Variants in TCF4 observed in about 807,000 individuals in gnomAD.
TCF4 encodes the protein SL3-3 enhancer factor 2.
A neutral mutation model predicts 82.1 loss-of-function variants in TCF4; 3 were observed. The observed-to-expected ratio is 0.04, with a 90% CI of 0.02 to 0.09. TCF4 has a LOEUF of 0.09. TCF4 is among the 10% of genes least tolerant of loss of function. The pLI, the probability that TCF4 is intolerant of heterozygous loss-of-function variation, is 1.00. For synonymous variants in TCF4, 276 were observed against 309.6 expected (o/e 0.89, Z 1.14); for missense variants, 518 against 852.7 (o/e 0.61, Z 4.89).
rs765447444 is a variant in TCF4, at chr18:55,362,339, GAGGAAGGA to G, written c.370-11344_370-11337del. 4.5e-3 allele frequency among the ~76,000 whole-genome samples: 310 copies of G among 68,560 alleles called. 4 individuals are homozygous for G. The highest frequency in any genetic ancestry group is 0.019 in the East Asian group (38 of 1,986). 45.0% of individuals were successfully genotyped at this position (68,560 alleles called of 152,430 possible). A position where few individuals can be genotyped will look rare whatever the true frequency, so the allele number is the denominator to read the frequency against. The stretch of plus-strand genomic sequence containing the variant: ...TCCAAAAACAAAAACAAAAAAAAAA[GAGGAAGGA>G]AGGAAGGAAGGAAGGAAGGAAGGAA... On this transcript the variant is annotated intron_variant, in intron 6 of 19. Transcript: ENST00000354452.
chr18:55,357,086 T>C (rs1449917323), intron 6 of TCF4, among the ~76,000 whole-genome samples: 2 of 152,050 alleles, frequency 1.3e-5, no homozygotes, highest in East Asian at 3.9e-4. Flanking sequence ...TGCCCAAGGG[T>C]TGGCCAGGTT....
chr18:55,256,024 G>A lies in TCF4; in HGVS notation c.1146+1291C>T, dbSNP rs1201392656. On this transcript the variant is annotated intron_variant, in intron 14 of 19. Transcript: ENST00000354452. The stretch of plus-strand genomic sequence containing the variant: ...TCCCCTAGACTGCTAGCTTTGCTAC[G>A]TATTTGGCCTTGGAAAAGTTACTAA... Among the ~76,000 whole-genome samples the A allele has an allele frequency of 2.6e-5, 4 of 152,280 alleles. No homozygotes were observed. In the South Asian group the frequency reaches 8.3e-4, roughly 32 times the overall value.
intron 6 of TCF4, among the ~76,000 whole-genome samples, chr18:55,359,642 C>T (rs2145131301): frequency 6.6e-6 from 1 of 152,308 alleles, no homozygotes; most frequent in Middle Eastern, 3.4e-3. Flanking sequence ...CGTAATTCCT[C>T]CATCTCTATA....
intron 5 of TCF4, chr18:55,403,943 A>G: frequency 2.2e-6 from 3 of 1,356,604 alleles, no homozygotes; most frequent in Non-Finnish European, 2.8e-6. Context: ...CTAATCAATC[A>G]CAGGCTCTCC....
intron 3 of TCF4, among the ~76,000 whole-genome samples, chr18:55,536,046 G>A (rs915429910): frequency 2.8e-4 from 43 of 152,118 alleles, no homozygotes; most frequent in Non-Finnish European, 3.8e-4. Flanking sequence ...ACTCTTCAGC[G>A]GACTAGCCTG....
chr18:55,596,078 CA>C, intron 2 of TCF4: 1 of 435,230 alleles, frequency 2.3e-6, no homozygotes, highest in South Asian at 1.6e-5. Context: ...ACTAAAAATA[CA>C]AAAATTAGCC....
At chr18:55,480,303 G>C (rs1239389511) in intron 3 of TCF4, among the ~76,000 whole-genome samples, 1 of 134,248 alleles carries the variant, frequency 7.4e-6, no homozygotes, top group Non-Finnish European at 1.6e-5. Context: ...AAAAGCGGGG[G>C]GGCGGGGGGA....
chr18:55,296,524 A>G (rs2066538313), intron 8 of TCF4, among the ~76,000 whole-genome samples: 1 of 152,326 alleles, frequency 6.6e-6, no homozygotes, highest in African/African-American at 2.4e-5. Flanking sequence ...TATATGGCTA[A>G]GAGAGGGCGT....
rs886416467 is a variant in TCF4, at chr18:55,344,779, A to C, written c.549+5580T>G. 2.0e-5 allele frequency among the ~76,000 whole-genome samples: 3 copies of C among 152,218 alleles called. No homozygotes were observed. The East Asian group carries it at 5.8e-4, about 29-fold the overall frequency. On this transcript the variant is annotated intron_variant, in intron 8 of 19. Transcript: ENST00000354452. ...AAAAATGGGGTGCTGCTGGCCAGGA[A>C]GGCTTCTTTCTGGGGGAAGGAATGA...
intron 3 of TCF4, among the ~76,000 whole-genome samples, chr18:55,537,128 C>T (rs911352649): frequency 7.2e-5 from 10 of 139,826 alleles, no homozygotes; most frequent in East Asian, 4.3e-4. Flanking sequence ...AGCGAGACTC[C>T]GTCTCGGAAA....
At chr18:55,361,386 G>A (rs2085148084) in intron 6 of TCF4, among the ~76,000 whole-genome samples, 1 of 152,204 alleles carries the variant, frequency 6.6e-6, no homozygotes, top group Non-Finnish European at 1.5e-5. Context: ...GCACTAGGAA[G>A]ACAGTCCTCA....
At chr18:55,519,756 G>A (rs1251577232) in intron 3 of TCF4, among the ~76,000 whole-genome samples, 1 of 152,034 alleles carries the variant, frequency 6.6e-6, no homozygotes, top group Non-Finnish European at 1.5e-5. Flanking sequence ...CTTCATCTAT[G>A]GTTCATTAGC....
chr18:55,573,699 T>C (rs1472051914), intron 3 of TCF4, among the ~76,000 whole-genome samples: 1 of 152,236 alleles, frequency 6.6e-6, no homozygotes, highest in African/African-American at 2.4e-5. Flanking sequence ...GAGCCCTTCC[T>C]GACTGCTCCC....
Position 55,279,564 on chromosome 18 carries a change from G to A in TCF4, c.642C>T (p.Ser214=), listed in dbSNP as rs982483524. The change falls in exon 9 of 20, where the codon TCC becomes TCT. Residue 214 remains serine (S), a synonymous_variant. Coordinates refer to ENST00000354452, the MANE Select transcript of TCF4 (RefSeq NM_001083962.2). ...SKPATSTFPS[S]FFMQDGHHSS... is the part of the protein sequence containing the mutation. The stretch of plus-strand genomic sequence containing the variant: ...GCAGCATCTTACCTTGCATGAAGAA[G>A]GAGCTAGGGAAAGTGCTGGTTGCTG... 1 of 1,613,946 alleles carries A rather than the reference G, an allele frequency of 6.2e-7. No individual in the cohort carries two copies.
At chr18:55,405,946 T>C (rs1222512719) in intron 5 of TCF4, among the ~76,000 whole-genome samples, 3 of 152,036 alleles carry the variant, frequency 2.0e-5, no homozygotes, top group African/African-American at 7.2e-5. Flanking sequence ...AAATTACAAG[T>C]TGTCAGGGTT....
chr18:55,590,358 C>A (rs984566615), upstream of TCF4, among the ~76,000 whole-genome samples: 4 of 152,228 alleles, frequency 2.6e-5, no homozygotes, highest in African/African-American at 9.6e-5. Flanking sequence ...CCCACCCTAT[C>A]TTCTTATAGA....
At chr18:55,414,853 C>G (rs2146787963) in intron 5 of TCF4, among the ~76,000 whole-genome samples, 1 of 152,326 alleles carries the variant, frequency 6.6e-6, no homozygotes, top group South Asian at 2.1e-4. Flanking sequence ...CTACCATTCT[C>G]AATGTCTGCC....
intron 3 of TCF4, among the ~76,000 whole-genome samples, chr18:55,528,082 T>C (rs997824241): frequency 6.6e-6 from 1 of 152,212 alleles, no homozygotes; most frequent in Admixed American, 6.5e-5. Flanking sequence ...CGTATGATTC[T>C]AATTAGCAGA....
chr18:55,469,226 T>C lies in TCF4; in HGVS notation c.146-5089A>G, dbSNP rs375887288. On this transcript the variant is annotated intron_variant, in intron 3 of 19. Coordinates refer to ENST00000354452, the MANE Select transcript of TCF4 (RefSeq NM_001083962.2). ...TGCCTGTAATCCCAGCACTTTGAGA[T>C]GCCGAGGCGGGCAGATCAGCTGAGG... Among the ~76,000 whole-genome samples, 102 of 152,190 alleles carry C rather than the reference T, an allele frequency of 6.7e-4. No homozygotes were observed. In the South Asian group the frequency reaches 0.011, roughly 17 times the overall value.
Sources: allele counts gnomAD v4.1 joint callset (sites outside exome capture counted in the v4.1 genomes callset), GRCh38; gene constraint gnomAD v4.1.1; transcripts MANE v1.5; gene names NCBI Gene and HGNC (gene_info 2026-07-23, HGNC 2026-07-21).